ADCY2: variants seen among roughly 807,000 people sequenced by gnomAD.
ADCY2 encodes the protein adenylate cyclase type 2.
ADCY2 carries 31 observed loss-of-function variants against 125.2 expected under a neutral mutation model. The observed-to-expected ratio is 0.25, with a 90% confidence interval of 0.19 to 0.33. The LOEUF is 0.33. Among genes scored for constraint, ADCY2 ranks in the 10% least tolerant of loss-of-function variants. The pLI, the probability that ADCY2 is intolerant of heterozygous loss-of-function variation, is 1.00. For missense variants in ADCY2, 904 were observed against 1,418.2 expected, an observed-to-expected ratio of 0.64 and a Z score of 5.82; for synonymous variants, 512 against 548.4, an observed-to-expected ratio of 0.93 and a Z score of 0.93.
chr5:7,448,483 T>C (rs77701830), intron 2 of ADCY2, among the ~76,000 whole-genome samples: 3 of 152,216 alleles, frequency 2.0e-5, no homozygotes, highest in Middle Eastern at 3.4e-3. Context: ...TTTTTTTTTT[T>C]CATCAACTTT....
chr5:7,699,117 AGAC>A (rs1740995164), intron 7 of ADCY2, among the ~76,000 whole-genome samples: 1 of 16,914 alleles, frequency 5.9e-5, no homozygotes, highest in Non-Finnish European at 9.9e-5. Flanking sequence ...TTTTTTTTTG[AGAC>A]GGAGTCTCGC....
intron 12 of ADCY2, among the ~76,000 whole-genome samples, chr5:7,721,977 C>T (rs371878181): frequency 6.6e-5 from 10 of 152,310 alleles, no homozygotes; most frequent in East Asian, 1.9e-4. Context: ...GTGGAGGCCA[C>T]CTCAGAAGAT....
At chr5:7,759,801 GAT>G (rs1743135776) in intron 16 of ADCY2, among the ~76,000 whole-genome samples, 1 of 151,666 alleles carries the variant, frequency 6.6e-6, no homozygotes, top group Non-Finnish European at 1.5e-5. Context: ...GCTCCAGAAA[GAT>G]AGAAACGCCA....
chr5:7,659,802 C>G (rs1238364050), intron 4 of ADCY2, among the ~76,000 whole-genome samples: 1 of 152,254 alleles, frequency 6.6e-6, no homozygotes, highest in African/African-American at 2.4e-5. Flanking sequence ...CTACACACAA[C>G]TGTCCAGGTG....
chr5:7,402,351 T>TA (rs1191093200), intron 1 of ADCY2, among the ~76,000 whole-genome samples: 1 of 152,132 alleles, frequency 6.6e-6, no homozygotes, highest in Non-Finnish European at 1.5e-5. Flanking sequence ...AAGGATGCAA[T>TA]AAAAAATCAC....
Position 7,709,911 on chromosome 5 carries a change from G to A in ADCY2, c.1578+524G>A, listed in dbSNP as rs1393072943. ...CACCAGGGACATCTGCGATAAGATG[G>A]CTGCAATGGAGAAGGAAAATAGAAA... On this transcript the variant is annotated intron_variant, in intron 10 of 24. Transcript: ENST00000338316. The surrounding 1 kb of genome is among the most constrained non-coding windows in gnomAD (Gnocchi z 4.4). Among the ~76,000 whole-genome samples, 1 of 152,170 alleles carries A rather than the reference G, an allele frequency of 6.6e-6. No homozygotes were observed. Among genetic ancestry groups the A allele is most frequent in the Non-Finnish European group, 1.5e-5 (1 of 68,036 alleles).
At chr5:7,790,898 G>C (rs1228230272) in intron 20 of ADCY2, among the ~76,000 whole-genome samples, 1 of 152,160 alleles carries the variant, frequency 6.6e-6, no homozygotes, top group Non-Finnish European at 1.5e-5. Flanking sequence ...TATGAAAAGA[G>C]AGGAGTCAGG....
At chr5:7,629,371 C>A (rs79288373) in intron 4 of ADCY2, among the ~76,000 whole-genome samples, 313 of 152,246 alleles carry the variant, frequency 2.1e-3, no homozygotes, top group African/African-American at 7.2e-3. Context: ...ATTCTGAAAT[C>A]TTTTCAAAAT....
At chr5:7,506,204 A>T (rs1743807573) in intron 2 of ADCY2, among the ~76,000 whole-genome samples, 1 of 152,250 alleles carries the variant, frequency 6.6e-6, no homozygotes, top group African/African-American at 2.4e-5. Flanking sequence ...GGTGCCAAAC[A>T]CTCAACAAAG....
At chr5:7,608,278 G>A (rs1737452808) in intron 3 of ADCY2, among the ~76,000 whole-genome samples, 1 of 152,070 alleles carries the variant, frequency 6.6e-6, no homozygotes, top group Non-Finnish European at 1.5e-5. Flanking sequence ...CAGTTGGAGG[G>A]CTGATTTAAA....
Position 7,720,938 on chromosome 5 carries a change from A to T in ADCY2, c.1704-3607A>T, listed in dbSNP as rs1387970013. Among the ~76,000 whole-genome samples the T allele has an allele frequency of 2.6e-5, 4 of 152,236 alleles. 1 individual carries two copies. In the South Asian group the frequency reaches 8.3e-4, roughly 32 times the overall value. ...GTAATGGGATGGCTGGGGCAAATGG[A>T]ATTTCTAGTTCTAGATCCTTGAGGA... On this transcript the variant is annotated intron_variant, in intron 12 of 24. Coordinates refer to ENST00000338316, the MANE Select transcript of ADCY2 (RefSeq NM_020546.3).
intron 4 of ADCY2, among the ~76,000 whole-genome samples, chr5:7,636,988 T>C (rs935279269): frequency 2.0e-5 from 3 of 152,218 alleles, no homozygotes; most frequent in Non-Finnish European, 4.4e-5. Flanking sequence ...GTTCAAGATT[T>C]TCTATGCTCA....
chr5:7,762,110 A>G (rs1055308893), intron 16 of ADCY2, among the ~76,000 whole-genome samples: 1 of 152,166 alleles, frequency 6.6e-6, no homozygotes, highest in Non-Finnish European at 1.5e-5. Context: ...TTTCCTGTCT[A>G]TCGATTAAGG....
At chr5:7,725,644 T>A (rs760760576) in intron 13 of ADCY2, among the ~76,000 whole-genome samples, 3 of 152,222 alleles carry the variant, frequency 2.0e-5, no homozygotes, top group Non-Finnish European at 4.4e-5. Flanking sequence ...TGCTACATTA[T>A]TTCTTTCCTG....
chr5:7,741,912 T>TATC (rs56184703), intron 14 of ADCY2, among the ~76,000 whole-genome samples: 150,849 of 151,944 alleles, frequency 0.99, 74,887 homozygotes, highest in Middle Eastern at 1. Context: ...TATCACCTGT[T>TATC]ATCATCACCA....
At chr5:7,460,299 A>G (rs887311285) in intron 2 of ADCY2, among the ~76,000 whole-genome samples, 11 of 151,616 alleles carry the variant, frequency 7.3e-5, no homozygotes, top group African/African-American at 2.7e-4. Flanking sequence ...GGCAATCACA[A>G]CTCACTGTAA....
Position 7,396,594 on chromosome 5 carries a change from GCCCC to G in ADCY2, c.210+89_210+92del. 1 of 799,950 alleles carries G rather than the reference GCCCC, an allele frequency of 1.3e-6. No homozygotes were observed. 49.6% of individuals were successfully genotyped at this position (799,950 alleles called of 1,614,324 possible). On this transcript the variant is annotated intron_variant, in intron 1 of 24. Coordinates refer to ENST00000338316, the MANE Select transcript of ADCY2 (RefSeq NM_020546.3). The surrounding 1 kb of genome is among the most constrained non-coding windows in gnomAD (Gnocchi z 5.7). ...GCCGAGCCGCGTCCCGCTCCGGGCTGCCCCTCGGCCCGCGGCAGCCCCTCGGCCC... is the reference window on the plus strand; with the variant it reads ...GCCGAGCCGCGTCCCGCTCCGGGCTGTCGGCCCGCGGCAGCCCCTCGGCCC...
At chr5:7,560,470 A>G (rs1288276984) in intron 3 of ADCY2, among the ~76,000 whole-genome samples, 1 of 152,178 alleles carries the variant, frequency 6.6e-6, no homozygotes, top group Admixed American at 6.5e-5. Context: ...AGAAAATGCC[A>G]CTTAAAATTG....
In ADCY2 at chr5:7,552,471, C is replaced by T. The variant is rs10060155; in HGVS notation, c.570+31572C>T. On this transcript the variant is annotated intron_variant, in intron 3 of 24. Transcript: ENST00000338316. ...CTTTTGCTGAGGAAATAAAATCATC[C>T]ACATACTGTATTTAAGAATATTAGA... 4.4e-3 allele frequency among the ~76,000 whole-genome samples: 676 copies of T among 152,194 alleles called. 2 individuals carry two copies. Among genetic ancestry groups the T allele is most frequent in the African/African-American group, 0.015 (631 of 41,510 alleles).
Sources: gnomAD v4.1 joint callset for allele counts (sites outside exome capture counted in the v4.1 genomes callset) on GRCh38, gnomAD v4.1.1 for gene constraint, Gnocchi (gnomAD v3.1) non-coding constraint, MANE v1.5 for transcripts, NCBI Gene and HGNC (gene_info 2026-07-23, HGNC 2026-07-21) for gene names.